CNTN4: variants seen among roughly 807,000 people sequenced by gnomAD.
CNTN4 encodes contactin-4.
In CNTN4, 77 loss-of-function variants were observed where a neutral mutation model predicts 122.5. That is an observed-to-expected ratio of 0.63 (90% confidence interval 0.52 to 0.76). CNTN4 has a LOEUF of 0.76. Among genes scored for constraint, CNTN4 ranks in the 30% least tolerant of loss-of-function variants. CNTN4 has a pLI of 0.00. For missense variants in CNTN4, 1,256 were observed against 1,259.1 expected, an observed-to-expected ratio of 1.00 and a Z score of 0.04; for synonymous variants, 512 against 447.0, an observed-to-expected ratio of 1.15 and a Z score of -1.83.
At chr3:2,343,345 C>T (rs188022028) in intron 3 of CNTN4, among the ~76,000 whole-genome samples, 52 of 152,250 alleles carry the variant, frequency 3.4e-4, no homozygotes, top group Admixed American at 6.5e-4. Context: ...ACACTGGTCA[C>T]GGGCCAAGTC....
chr3:2,705,020 G>T (rs1251671325), intron 4 of CNTN4, among the ~76,000 whole-genome samples: 1 of 151,766 alleles, frequency 6.6e-6, no homozygotes, highest in East Asian at 1.9e-4. Context: ...TATATAGACA[G>T]ACATACATAT....
In CNTN4 at chr3:2,103,060, T is replaced by C. The variant is rs569325929; in HGVS notation, c.-145+2421T>C. 5.3e-5 allele frequency among the ~76,000 whole-genome samples: 8 copies of C among 152,274 alleles called. No individual in the cohort carries two copies. In the South Asian group the frequency reaches 1.0e-3, roughly 20 times the overall value. On this transcript the variant is annotated intron_variant, in intron 2 of 24. Coordinates refer to ENST00000418658, the MANE Select transcript of CNTN4 (RefSeq NM_175607.3). ...TACTTTGCCCTTCTAATATTATCTC[T>C]ATTGTACAGATGAGGAAAACTAGGC...
At chr3:2,775,151 C>G (rs562810380) in intron 6 of CNTN4, among the ~76,000 whole-genome samples, 4 of 152,346 alleles carry the variant, frequency 2.6e-5, no homozygotes, top group African/African-American at 9.6e-5. Flanking sequence ...ATGCTTTGTA[C>G]AGTGACTGTA....
chr3:2,200,683 GC>G (rs2038056680), intron 2 of CNTN4, among the ~76,000 whole-genome samples: 1 of 152,158 alleles, frequency 6.6e-6, no homozygotes. Context: ...TAAATGCTCT[GC>G]AGAGACAAAG....
chr3:2,920,095 G>A (rs1004109250), intron 12 of CNTN4, among the ~76,000 whole-genome samples: 3 of 151,906 alleles, frequency 2.0e-5, no homozygotes, highest in Non-Finnish European at 2.9e-5. Context: ...CCGAAGTGCC[G>A]ATATTGAAGA....
At chr3:2,674,841 C>G (rs1422078736) in intron 4 of CNTN4, among the ~76,000 whole-genome samples, 1 of 152,108 alleles carries the variant, frequency 6.6e-6, no homozygotes, top group Non-Finnish European at 1.5e-5. Context: ...TCTTATGTAG[C>G]TGTGAATTTG....
intron 3 of CNTN4, among the ~76,000 whole-genome samples, chr3:2,526,340 C>A (rs2077397125): frequency 6.6e-6 from 1 of 152,132 alleles, no homozygotes; most frequent in African/African-American, 2.4e-5. Flanking sequence ...GTTTCACCTA[C>A]ATTTTATGGC....
At chr3:2,452,501 T>G (rs553318283) in intron 3 of CNTN4, among the ~76,000 whole-genome samples, 1 of 152,300 alleles carries the variant, frequency 6.6e-6, no homozygotes, top group East Asian at 1.9e-4. Context: ...AAGTGCCAAG[T>G]GATCCTCATC....
intron 2 of CNTN4, among the ~76,000 whole-genome samples, chr3:2,297,419 T>G (rs562176520): frequency 6.6e-6 from 1 of 152,290 alleles, no homozygotes; most frequent in South Asian, 2.1e-4. Context: ...TTTAAGATTG[T>G]GTTAAGAGGT....
At chr3:2,294,589 C>G (rs534976532) in intron 2 of CNTN4, among the ~76,000 whole-genome samples, 1 of 152,190 alleles carries the variant, frequency 6.6e-6, no homozygotes, top group African/African-American at 2.4e-5. Flanking sequence ...CGAGATCGTG[C>G]CACTGCACCA....
At chr3:2,540,844 A>G (rs2078003604) in intron 3 of CNTN4, among the ~76,000 whole-genome samples, 1 of 152,160 alleles carries the variant, frequency 6.6e-6, no homozygotes. Flanking sequence ...AATAGAGAGG[A>G]GATAAATGAA....
chr3:2,407,666 G>A (rs2047087244), intron 3 of CNTN4, among the ~76,000 whole-genome samples: 1 of 152,160 alleles, frequency 6.6e-6, no homozygotes. Context: ...TTGGTTGTGA[G>A]AAGGTGGAAA....
intron 4 of CNTN4, among the ~76,000 whole-genome samples, chr3:2,667,612 A>C (rs1256628588): frequency 6.7e-6 from 1 of 150,132 alleles, no homozygotes; most frequent in African/African-American, 2.5e-5. Flanking sequence ...CCCATTTGTC[A>C]ATTTTGGCTT....
chr3:2,461,739 A>G (rs945004944), intron 3 of CNTN4, among the ~76,000 whole-genome samples: 2 of 152,234 alleles, frequency 1.3e-5, no homozygotes, highest in African/African-American at 2.4e-5. Flanking sequence ...AGTGCTTATT[A>G]TATGCCAGCC....
At chr3:2,731,461 G>A (rs80171907) in intron 4 of CNTN4, among the ~76,000 whole-genome samples, 2,296 of 152,248 alleles carry the variant, frequency 0.015, 68 homozygotes, top group African/African-American at 0.052. Context: ...ATGAAATCAT[G>A]ATGTAACAGT....
intron 6 of CNTN4, among the ~76,000 whole-genome samples, chr3:2,798,075 C>CTCCCACT (rs2092246623): frequency 1.3e-5 from 2 of 151,178 alleles, no homozygotes; most frequent in African/African-American, 4.9e-5. Flanking sequence ...TCCCTCCCAC[C>CTCCCACT]CTCCCACTCT....
rs911008582 is a variant in CNTN4 at position 2,816,350 on chromosome 3, T to C, written c.359-3136T>C. 5.4e-5 allele frequency among the ~76,000 whole-genome samples: 8 copies of C among 148,720 alleles called. 1 individual carries two copies. Among genetic ancestry groups the C allele is most frequent in the Admixed American group, 5.3e-4 (8 of 15,032 alleles). ...GCCTGGGCGACAGAGCGAGACTCCA[T>C]CTCAAAAAAAATAAAAAAAATAAAT... On this transcript the variant is annotated intron_variant, in intron 6 of 24. Coordinates refer to ENST00000418658, the MANE Select transcript of CNTN4 (RefSeq NM_175607.3).
chr3:2,853,014 A>G (rs932687099), intron 7 of CNTN4, among the ~76,000 whole-genome samples: 1 of 152,214 alleles, frequency 6.6e-6, no homozygotes, highest in Non-Finnish European at 1.5e-5. Context: ...TACCAGATGG[A>G]TAGGAAATTA....
intron 4 of CNTN4, among the ~76,000 whole-genome samples, chr3:2,723,518 A>G (rs911896498): frequency 2.0e-5 from 3 of 152,154 alleles, no homozygotes; most frequent in African/African-American, 7.2e-5. Context: ...GCACCCTGTT[A>G]TTGCGTCCTC....
Sources: allele counts gnomAD v4.1 joint callset (sites outside exome capture counted in the v4.1 genomes callset), GRCh38; gene constraint gnomAD v4.1.1; transcripts MANE v1.5; gene names NCBI Gene and HGNC (gene_info 2026-07-23, HGNC 2026-07-21).